The following WASF3 variants were observed in gnomAD, a reference collection of about 807,000 sequenced individuals.
WASF3 encodes the protein actin-binding protein WASF3.
A neutral mutation model predicts 46.6 loss-of-function variants in WASF3; 11 were observed. That is an observed-to-expected ratio of 0.24 (90% confidence interval 0.15 to 0.39). The LOEUF (loss-of-function observed/expected upper bound fraction) is 0.39. WASF3 is among the 10% of genes least tolerant of loss of function. WASF3 has a pLI of 1.00. For synonymous variants in WASF3, 242 were observed against 259.7 expected (o/e 0.93, Z 0.65); for missense variants, 576 against 669.8 (o/e 0.86, Z 1.55).
At chr13:26,684,267 G>A (rs1341893280) in intron 9 of WASF3, among the ~76,000 whole-genome samples, 4 of 151,214 alleles carry the variant, frequency 2.6e-5, no homozygotes. Flanking sequence ...GACGGTGTTG[G>A]ATTTGCCTTT....
At chr13:26,651,865 A>T (rs936674569) in intron 3 of WASF3, among the ~76,000 whole-genome samples, 2 of 152,234 alleles carry the variant, frequency 1.3e-5, no homozygotes, top group Non-Finnish European at 2.9e-5. Context: ...ATTGTTTATG[A>T]AGTACTATGT....
intron 6 of WASF3, among the ~76,000 whole-genome samples, chr13:26,676,301 A>G (rs890250811): frequency 1.3e-5 from 2 of 152,216 alleles, no homozygotes; most frequent in Non-Finnish European, 2.9e-5. Context: ...TTTTTACTTT[A>G]ATGAAAACGA....
intron 7 of WASF3, 42 bp downstream of exon 7, chr13:26,676,766 A>G: frequency 6.4e-7 from 1 of 1,566,404 alleles, no homozygotes; most frequent in Non-Finnish European, 8.7e-7. Context: ...ATGCTTGGGC[A>G]ACTGGGTACT....
chr13:26,556,518 A>T (rs1879101286), upstream of WASF3, among the ~76,000 whole-genome samples: 1 of 152,222 alleles, frequency 6.6e-6, no homozygotes, highest in East Asian at 1.9e-4. Flanking sequence ...TTTTAAAATG[A>T]TGGCACTTTA....
At chr13:26,649,648 A>G (rs1223870128) in intron 3 of WASF3, among the ~76,000 whole-genome samples, 1 of 152,216 alleles carries the variant, frequency 6.6e-6, no homozygotes, top group Non-Finnish European at 1.5e-5. Flanking sequence ...TTGAGAGTTA[A>G]AAGCTCCAGA....
Position 26,559,823 on chromosome 13 carries a change from T to TCTTTCTTTCTTTC in WASF3, c.-109+2004_-109+2005insCTTTCTTTCTTTC, listed in dbSNP as rs57762171. Among the ~76,000 whole-genome samples, 206 of 126,590 alleles carry TCTTTCTTTCTTTC rather than the reference T, an allele frequency of 1.6e-3. 2 individuals are homozygous for TCTTTCTTTCTTTC. Among genetic ancestry groups the TCTTTCTTTCTTTC allele is most frequent in the Middle Eastern group, 3.9e-3 (1 of 256 alleles). 83.0% of individuals were successfully genotyped at this position (126,590 alleles called of 152,430 possible). On this transcript the variant is annotated intron_variant, in intron 1 of 9. Transcript: ENST00000335327. ...TTCTTTCTTTCTTTTTTTTTTTTTT[T>TCTTTCTTTCTTTC]TTTTTTTTTTTGAGACGGAGTCTTG...
chr13:26,612,305 A>G (rs1422113285), intron 1 of WASF3, among the ~76,000 whole-genome samples: 1 of 152,212 alleles, frequency 6.6e-6, no homozygotes, highest in African/African-American at 2.4e-5. Flanking sequence ...CTTCCCAAGT[A>G]GACCATAATT....
At chr13:26,641,248 C>T (rs1445232538) in intron 2 of WASF3, 1 of 152,222 alleles carries the variant, frequency 6.6e-6, no homozygotes, top group Non-Finnish European at 1.5e-5. Context: ...CCTGTTTTAT[C>T]TCCCCTCAAT....
intron 1 of WASF3, among the ~76,000 whole-genome samples, chr13:26,581,441 AT>A (rs538276216): frequency 3.8e-3 from 548 of 145,378 alleles, no homozygotes; most frequent in African/African-American, 6.9e-3. Context: ...AGGCCAGCCA[AT>A]TTTTTTTTTT....
At chr13:26,656,626 T>G (rs769009717) in intron 3 of WASF3, among the ~76,000 whole-genome samples, 1 of 151,906 alleles carries the variant, frequency 6.6e-6, no homozygotes, top group African/African-American at 2.4e-5. Flanking sequence ...AAAAAAAGTC[T>G]TATCATTCTA....
At chr13:26,664,805 T>A (rs944108655) in intron 3 of WASF3, among the ~76,000 whole-genome samples, 10 of 152,278 alleles carry the variant, frequency 6.6e-5, no homozygotes, top group African/African-American at 2.4e-4. Flanking sequence ...CTATACTGTC[T>A]GGGATATTTT....
intron 1 of WASF3, among the ~76,000 whole-genome samples, 169 bp downstream of exon 1, chr13:26,557,988 C>G (rs1280676833): frequency 6.6e-6 from 1 of 150,712 alleles, no homozygotes; most frequent in Non-Finnish European, 1.5e-5. Context: ...TGCGGCGCCG[C>G]CTCGCGCCTA....
chr13:26,631,297 G>T (rs569654996), intron 2 of WASF3, among the ~76,000 whole-genome samples: 1 of 152,206 alleles, frequency 6.6e-6, no homozygotes, highest in East Asian at 1.9e-4. Context: ...GAGTTTTTAT[G>T]GTTTTAGGTC....
intron 1 of WASF3, among the ~76,000 whole-genome samples, chr13:26,587,457 A>G (rs982383647): frequency 6.6e-6 from 1 of 152,152 alleles, no homozygotes. Flanking sequence ...TGGTGTTTTG[A>G]AAGGAAGCAT....
chr13:26,545,547 A>T, the WASF3 span, among the ~76,000 whole-genome samples: 7 of 147,468 alleles, frequency 4.7e-5, no homozygotes, highest in East Asian at 1.9e-4. Flanking sequence ...TTCTAGATTT[A>T]AAAAAAATCT....
chr13:26,661,732 A>T (rs1566066909), intron 3 of WASF3, among the ~76,000 whole-genome samples: 1 of 152,218 alleles, frequency 6.6e-6, no homozygotes, highest in Non-Finnish European at 1.5e-5. Context: ...AACAGCGCAC[A>T]GGGTTCCAAT....
In WASF3 at chr13:26,560,916, C is replaced by T. The variant is rs541034311; in HGVS notation, c.-109+3097C>T. ...CTCAGAGGAGGACCATAAACCCAAG[C>T]TTAGGGACGTTCAGAGAGACAGGAA... On this transcript the variant is annotated intron_variant, in intron 1 of 9. Transcript: ENST00000335327. Among the ~76,000 whole-genome samples, 45 of 152,232 alleles carry T rather than the reference C, an allele frequency of 3.0e-4. No homozygotes were observed. In the South Asian group the frequency reaches 7.9e-3, roughly 27 times the overall value.
At chr13:26,559,797 T>G (rs1310546062) in intron 1 of WASF3, among the ~76,000 whole-genome samples, 2 of 61,288 alleles carry the variant, frequency 3.3e-5, no homozygotes, top group African/African-American at 1.4e-4. Flanking sequence ...CTTTTCTTTC[T>G]TTCTTTCTTT....
intron 1 of WASF3, among the ~76,000 whole-genome samples, chr13:26,562,861 C>T (rs1161974271): frequency 2.5e-5 from 1 of 40,734 alleles, no homozygotes; most frequent in Non-Finnish European, 4.9e-5. Context: ...CCCCTCTCCT[C>T]CCCTCCTCCC....
Sources: gnomAD v4.1 joint callset for allele counts (sites outside exome capture counted in the v4.1 genomes callset) on GRCh38, gnomAD v4.1.1 for gene constraint, MANE v1.5 for transcripts, NCBI Gene and HGNC (gene_info 2026-07-23, HGNC 2026-07-21) for gene names.